Variants in DOCK4 observed in about 807,000 individuals in gnomAD.
DOCK4 encodes the protein dedicator of cytokinesis 4, also known as dedicator of cytokinesis protein 4.
Under a neutral mutation model 268.1 loss-of-function variants are expected in DOCK4, and 97 were observed. That is an observed-to-expected ratio of 0.36 (90% CI 0.31 to 0.43). The LOEUF is 0.43. DOCK4 is among the 20% of genes least tolerant of loss of function. The pLI, the probability that DOCK4 is intolerant of heterozygous loss-of-function variation, is 1.00. For synonymous variants in DOCK4, 954 were observed against 887.2 expected (o/e 1.08, Z -1.34); for missense variants, 2,145 against 2,455.7 (o/e 0.87, Z 2.67).
At chr7:111,948,975 A>T (rs1373310131) in intron 8 of DOCK4, among the ~76,000 whole-genome samples, 1 of 152,160 alleles carries the variant, frequency 6.6e-6, no homozygotes, top group East Asian at 1.9e-4. Context: ...AAAACTCCAA[A>T]AAGATTTAAG....
At chr7:112,080,118 C>G (rs1297455959) in intron 1 of DOCK4, among the ~76,000 whole-genome samples, 2 of 151,942 alleles carry the variant, frequency 1.3e-5, no homozygotes, top group African/African-American at 2.4e-5. Flanking sequence ...AAAAAAGAAT[C>G]AGTATTCTAA....
intron 12 of DOCK4, among the ~76,000 whole-genome samples, chr7:111,919,859 G>C (rs541432898): frequency 1.7e-4 from 26 of 152,258 alleles, no homozygotes; most frequent in Non-Finnish European, 3.2e-4. Context: ...ACAGGGACCA[G>C]ACCACAAAGA....
chr7:112,099,149 G>A (rs979582337), intron 1 of DOCK4, among the ~76,000 whole-genome samples: 14 of 151,790 alleles, frequency 9.2e-5, no homozygotes, highest in South Asian at 2.1e-4. Flanking sequence ...AAATTTATCC[G>A]GGCTTGGTGG....
intron 37 of DOCK4, among the ~76,000 whole-genome samples, chr7:111,768,518 G>T (rs1353530586): frequency 6.6e-6 from 1 of 152,118 alleles, no homozygotes; most frequent in Non-Finnish European, 1.5e-5. Flanking sequence ...AGATAAATTT[G>T]AGTCTAAGAC....
intron 1 of DOCK4, among the ~76,000 whole-genome samples, chr7:112,125,811 G>GT (rs1813167446): frequency 6.6e-6 from 1 of 151,820 alleles, no homozygotes; most frequent in Non-Finnish European, 1.5e-5. Context: ...CTATTTTTTT[G>GT]TTTTTTGTTT....
At chr7:111,901,489 G>A (rs1791142543) in intron 14 of DOCK4, among the ~76,000 whole-genome samples, 188 bp downstream of exon 14, 1 of 151,804 alleles carries the variant, frequency 6.6e-6, no homozygotes, top group African/African-American at 2.4e-5. Context: ...TTTTCTGAAA[G>A]GAATTTTAGT....
At chr7:112,199,859 G>C (rs1331490421) in intron 1 of DOCK4, among the ~76,000 whole-genome samples, 1 of 152,180 alleles carries the variant, frequency 6.6e-6, no homozygotes, top group African/African-American at 2.4e-5. Flanking sequence ...AAAGGTCCTG[G>C]TAGGAAGACA....
chr7:112,125,737 T>G (rs1813158884), intron 1 of DOCK4, among the ~76,000 whole-genome samples: 1 of 152,186 alleles, frequency 6.6e-6, no homozygotes, highest in South Asian at 2.1e-4. Context: ...AGACAGGTAA[T>G]TCATACTTAA....
chr7:112,143,355 G>T (rs967586837), intron 1 of DOCK4, among the ~76,000 whole-genome samples: 10 of 152,146 alleles, frequency 6.6e-5, no homozygotes, highest in Non-Finnish European at 2.9e-5. Flanking sequence ...TCAAATAGCT[G>T]AGCTTATATA....
intron 1 of DOCK4, among the ~76,000 whole-genome samples, chr7:112,017,076 A>C (rs1395863692): frequency 1.3e-5 from 2 of 152,168 alleles, no homozygotes. Context: ...AATCTAGATA[A>C]AATTATATAT....
chr7:112,164,587 C>A lies in DOCK4; in HGVS notation c.37+41515G>T, dbSNP rs144720789. 4.3e-3 allele frequency among the ~76,000 whole-genome samples: 652 copies of A among 152,304 alleles called. 9 individuals carry two copies. Among genetic ancestry groups the A allele is most frequent in the African/African-American group, 0.014 (593 of 41,548 alleles). ...ACACACACACGACTTTGTGTTCTAT[C>A]TAAAATTCAACACATGGAAAAGTCT... On this transcript the variant is annotated intron_variant, in intron 1 of 52. Coordinates refer to ENST00000428084, the MANE Select transcript of DOCK4 (RefSeq NM_001363540.2).
At chr7:111,872,746 C>T (rs1806527140) in intron 17 of DOCK4, among the ~76,000 whole-genome samples, 182 bp from the exon 18 acceptor site, 1 of 152,174 alleles carries the variant, frequency 6.6e-6, no homozygotes, top group Admixed American at 6.5e-5. Flanking sequence ...TCACTGTATT[C>T]TGTTTCCTCT....
At chr7:111,889,602 T>G (rs1227035203) in intron 16 of DOCK4, among the ~76,000 whole-genome samples, 1 of 152,168 alleles carries the variant, frequency 6.6e-6, no homozygotes, top group African/African-American at 2.4e-5. Flanking sequence ...AGTGTATTTG[T>G]TGGACTACTA....
chr7:111,850,073 G>C (rs1804421944), intron 23 of DOCK4, among the ~76,000 whole-genome samples: 1 of 151,966 alleles, frequency 6.6e-6, no homozygotes, highest in Non-Finnish European at 1.5e-5. Flanking sequence ...AAACCTGTGA[G>C]CTTATACGTT....
chr7:111,865,664 T>C (rs959431087), intron 22 of DOCK4, among the ~76,000 whole-genome samples: 2 of 152,230 alleles, frequency 1.3e-5, no homozygotes, highest in Non-Finnish European at 2.9e-5. Context: ...TACTCATCAG[T>C]TGACCTTAAA....
Position 112,004,058 on chromosome 7 carries a change from C to A in DOCK4, c.111G>T (p.Glu37Asp). The change falls in exon 2 of 53, where the codon GAG (glutamate) becomes GAT (aspartate). Residue 37 changes from glutamate to aspartate, a missense_variant. Glu to Asp is a conservative substitution (Grantham distance 45). Transcript: ENST00000428084. ...LEIGDTVQILEKCDGWYRGFA... is the reference protein window; with the variant it reads ...LEIGDTVQILDKCDGWYRGFA... ...CATAAGGCTACTCACCATCACACTT[C>A]TCCAGGATCTGAACTGTATCTCCAA... 1 of 1,602,412 alleles carries A rather than the reference C, an allele frequency of 6.2e-7. No homozygotes were observed.
intron 10 of DOCK4, among the ~76,000 whole-genome samples, chr7:111,944,044 T>C (rs1402863124): frequency 1.3e-5 from 2 of 152,202 alleles, no homozygotes; most frequent in African/African-American, 2.4e-5. Context: ...AAAAACTGTG[T>C]AGGTTACACC....
chr7:111,951,716 A>G (rs6950429), intron 8 of DOCK4, among the ~76,000 whole-genome samples: 17,138 of 151,330 alleles, frequency 0.11, 1,303 homozygotes, highest in East Asian at 0.37. Context: ...GCACATTCCT[A>G]TAATCCCAGG....
intron 32 of DOCK4, among the ~76,000 whole-genome samples, chr7:111,788,057 G>C (rs911918398): frequency 1.3e-5 from 2 of 152,104 alleles, no homozygotes; most frequent in African/African-American, 4.8e-5. Context: ...TCTATGGGTA[G>C]GGCAACCTTA....
Sources: gnomAD v4.1 joint callset for allele counts (sites outside exome capture counted in the v4.1 genomes callset) on GRCh38, gnomAD v4.1.1 for gene constraint, MANE v1.5 for transcripts, NCBI Gene and HGNC (gene_info 2026-07-23, HGNC 2026-07-21) for gene names.